The following PABPC4L variants were observed in gnomAD, a reference collection of about 807,000 sequenced individuals.
PABPC4L encodes poly(A) binding protein cytoplasmic 4 like.
For synonymous variants in PABPC4L, 169 were observed against 164.1 expected (o/e 1.03, Z -0.23); for missense variants, 452 against 451.4 (o/e 1.00, Z -0.01).
chr4:134,164,586 C>A, the PABPC4L span, among the ~76,000 whole-genome samples: 1 of 152,008 alleles, frequency 6.6e-6, no homozygotes, highest in Non-Finnish European at 1.5e-5. Flanking sequence ...AAGATCATTA[C>A]AAGGAGAAAT....
chr4:134,020,012 T>G, the PABPC4L span, among the ~76,000 whole-genome samples: 1 of 152,140 alleles, frequency 6.6e-6, no homozygotes, highest in Non-Finnish European at 1.5e-5. Flanking sequence ...AACTGTATTA[T>G]TTCTCAAGTT....
At chr4:134,180,858 T>C in the PABPC4L span, among the ~76,000 whole-genome samples, 1 of 151,882 alleles carries the variant, frequency 6.6e-6, no homozygotes, top group Non-Finnish European at 1.5e-5. Flanking sequence ...AACAGATCAA[T>C]AATAAGTTCC....
the PABPC4L span, among the ~76,000 whole-genome samples, chr4:133,981,640 T>C: frequency 6.6e-6 from 1 of 152,060 alleles, no homozygotes; most frequent in Admixed American, 6.5e-5. Flanking sequence ...AATCAATTAT[T>C]TCTAGCATAA....
chr4:134,106,375 C>T, the PABPC4L span, among the ~76,000 whole-genome samples: 3 of 151,162 alleles, frequency 2.0e-5, no homozygotes, highest in Non-Finnish European at 4.4e-5. Flanking sequence ...ATTAATGAAA[C>T]TCAAATCAAT....
the PABPC4L span, among the ~76,000 whole-genome samples, chr4:134,038,204 T>C: frequency 6.6e-6 from 1 of 152,158 alleles, no homozygotes; most frequent in African/African-American, 2.4e-5. Context: ...CTTTTTGATG[T>C]GCTGCTGGAT....
At chr4:134,132,346 G>C in the PABPC4L span, among the ~76,000 whole-genome samples, 1 of 151,922 alleles carries the variant, frequency 6.6e-6, no homozygotes, top group African/African-American at 2.4e-5. Context: ...AATCTACAAG[G>C]AACTCAAACA....
the PABPC4L span, among the ~76,000 whole-genome samples, chr4:134,114,482 C>A: frequency 6.6e-6 from 1 of 151,742 alleles, no homozygotes; most frequent in African/African-American, 2.4e-5. Flanking sequence ...GATGGTGAAA[C>A]TTAGGTGACA....
the PABPC4L span, among the ~76,000 whole-genome samples, chr4:134,106,092 T>C: frequency 6.6e-6 from 1 of 151,666 alleles, no homozygotes; most frequent in East Asian, 1.9e-4. Flanking sequence ...TTATGGTCAA[T>C]ATTAATTCAT....
the PABPC4L span, among the ~76,000 whole-genome samples, chr4:134,085,058 T>G: frequency 2.0e-5 from 3 of 152,018 alleles, no homozygotes; most frequent in African/African-American, 7.2e-5. Context: ...ATGGTGCGAA[T>G]TTCCTGAGGC....
At chr4:133,982,586 T>A in the PABPC4L span, among the ~76,000 whole-genome samples, 1 of 152,014 alleles carries the variant, frequency 6.6e-6, no homozygotes, top group Non-Finnish European at 1.5e-5. Context: ...TGTTTATTAA[T>A]AAATAGTAAG....
At chr4:133,952,358 C>A in the PABPC4L span, among the ~76,000 whole-genome samples, 2 of 152,088 alleles carry the variant, frequency 1.3e-5, no homozygotes, top group Non-Finnish European at 2.9e-5. Context: ...TTACACTGAA[C>A]CACTTATGTT....
chr4:134,126,066 C>T, the PABPC4L span, among the ~76,000 whole-genome samples: 1 of 152,028 alleles, frequency 6.6e-6, no homozygotes, highest in African/African-American at 2.4e-5. Context: ...GACTTATATT[C>T]TTTAATAAGT....
chr4:134,186,014 C>A, the PABPC4L span, among the ~76,000 whole-genome samples: 2 of 152,082 alleles, frequency 1.3e-5, no homozygotes, highest in Non-Finnish European at 2.9e-5. Context: ...GAAATACAAA[C>A]CACTGCTCAA....
At chr4:133,993,735 G>C in the PABPC4L span, among the ~76,000 whole-genome samples, 1 of 152,142 alleles carries the variant, frequency 6.6e-6, no homozygotes, top group Non-Finnish European at 1.5e-5. Flanking sequence ...TGATGTGATT[G>C]AGTGGGTGGG....
At chr4:133,998,610 C>A in the PABPC4L span, among the ~76,000 whole-genome samples, 42,455 of 151,806 alleles carry the variant, frequency 0.28, 8,677 homozygotes, top group African/African-American at 0.53. Flanking sequence ...TAAGGGAATA[C>A]AAATCTGTGA....
At chr4:134,126,605 T>G in the PABPC4L span, among the ~76,000 whole-genome samples, 2 of 152,046 alleles carry the variant, frequency 1.3e-5, no homozygotes, top group African/African-American at 4.8e-5. Context: ...TTTTTTTTGG[T>G]TTTTATTTTT....
chr4:133,956,197 T>C, the PABPC4L span, among the ~76,000 whole-genome samples: 6 of 152,224 alleles, frequency 3.9e-5, no homozygotes, highest in Non-Finnish European at 8.8e-5. Flanking sequence ...AAAACACTTT[T>C]AAGGATACTT....
At chr4:134,058,786 G>T in the PABPC4L span, among the ~76,000 whole-genome samples, 246 of 152,016 alleles carry the variant, frequency 1.6e-3, no homozygotes, top group African/African-American at 5.4e-3. Flanking sequence ...CAAAATTCCA[G>T]TTCAGCACCA....
the PABPC4L span, among the ~76,000 whole-genome samples, chr4:134,063,284 A>C: frequency 2.0e-5 from 3 of 152,026 alleles, no homozygotes; most frequent in Admixed American, 2.0e-4. Flanking sequence ...AGGGGACAAA[A>C]TTTAGATTCC....
Sources: allele counts gnomAD v4.1 joint callset (sites outside exome capture counted in the v4.1 genomes callset), GRCh38; gene constraint gnomAD v4.1.1; transcripts MANE v1.5; gene names NCBI Gene and HGNC (gene_info 2026-07-23, HGNC 2026-07-21).